GCSAML: variants seen among roughly 807,000 people sequenced by gnomAD.
GCSAML encodes the protein germinal center-associated signaling and motility-like protein.
Under a neutral mutation model 13.0 loss-of-function variants are expected in GCSAML, and 9 were observed. The observed-to-expected ratio is 0.69, with a 90% CI of 0.42 to 1.21. The LOEUF is 1.21. Among genes scored for constraint, GCSAML ranks in the 50% most tolerant of loss-of-function variants. The probability of loss-of-function intolerance (pLI) is 0.00; values close to 1 mark genes in which losing one functional copy is unlikely to be tolerated. For synonymous variants in GCSAML, 37 were observed against 52.9 expected, an observed-to-expected ratio of 0.70 and a Z score of 1.31; for missense variants, 143 against 153.4, an observed-to-expected ratio of 0.93 and a Z score of 0.36.
chr1:247,511,197 C>T (rs942423368), intron 1 of GCSAML, among the ~76,000 whole-genome samples: 7 of 152,064 alleles, frequency 4.6e-5, no homozygotes, highest in African/African-American at 9.7e-5. Flanking sequence ...TGAATCTGGG[C>T]GCTCCTATAT....
At chr1:247,565,440 AT>A (rs1023629920) in intron 3 of GCSAML, among the ~76,000 whole-genome samples, 1 of 152,136 alleles carries the variant, frequency 6.6e-6, no homozygotes, top group African/African-American at 2.4e-5. Flanking sequence ...ATCAACATGA[AT>A]CTGCATATTT....
chr1:247,512,239 C>T (rs114027841), intron 1 of GCSAML, among the ~76,000 whole-genome samples: 2,146 of 151,858 alleles, frequency 0.014, 46 homozygotes, highest in African/African-American at 0.047. Context: ...TTTGTCTTCA[C>T]GCTTTATTTC....
intron 2 of GCSAML, among the ~76,000 whole-genome samples, chr1:247,562,379 A>G (rs1031244841): frequency 6.6e-6 from 1 of 152,162 alleles, no homozygotes; most frequent in Admixed American, 6.5e-5. Context: ...GTGGAGGTCC[A>G]GGTTTCCTCC....
chr1:247,516,090 T>C (rs1443943494), intron 1 of GCSAML, among the ~76,000 whole-genome samples: 6 of 152,116 alleles, frequency 3.9e-5, no homozygotes, highest in Non-Finnish European at 7.4e-5. Flanking sequence ...TGATAGATGA[T>C]GCAATGTGAA....
At chr1:247,557,327 G>C (rs1164780523) in intron 2 of GCSAML, among the ~76,000 whole-genome samples, 1 of 151,964 alleles carries the variant, frequency 6.6e-6, no homozygotes, top group African/African-American at 2.4e-5. Context: ...TATATCTGTT[G>C]CTCAACCCTT....
At chr1:247,572,234 G>C (rs991779152) in intron 4 of GCSAML, among the ~76,000 whole-genome samples, 1 of 152,054 alleles carries the variant, frequency 6.6e-6, no homozygotes, top group Admixed American at 6.5e-5. Flanking sequence ...GTCCAGTTTT[G>C]TTCCCTTGCT....
chr1:247,533,097 G>A (rs1333004639), intron 2 of GCSAML, among the ~76,000 whole-genome samples: 6 of 152,180 alleles, frequency 3.9e-5, no homozygotes, highest in Admixed American at 1.3e-4. Flanking sequence ...TTTTGCTGTC[G>A]TTAACTATAT....
intron 1 of GCSAML, chr1:247,519,292 A>G (rs530428359): frequency 6.6e-6 from 1 of 152,360 alleles, no homozygotes; most frequent in South Asian, 2.1e-4. Flanking sequence ...TTTTACAGGC[A>G]GATAATGACT....
chr1:247,556,450 G>C lies in GCSAML; in HGVS notation c.73G>C (p.Asp25His). ...AAAGAAGCCCAAGAAAGGAAACCCA[G>C]ATGAGGAAAGAAAACGGTAAGAACA... is the stretch of plus-strand genomic sequence containing the variant. ...NQKKPKKGNPDEERKRQEMTT... is the reference protein window; with the variant it reads ...NQKKPKKGNPHEERKRQEMTT... Residue 25 changes from aspartate to histidine, a missense_variant, in exon 2 of 5, where the codon GAT becomes CAT. Asp to His is a moderately conservative substitution (Grantham distance 81). Coordinates refer to ENST00000366488, the MANE Select transcript of GCSAML (RefSeq NM_145278.5). 1 of 1,611,178 alleles carries C rather than the reference G, an allele frequency of 6.2e-7. No individual in the cohort carries two copies. Among genetic ancestry groups the C allele is most frequent in the Non-Finnish European group, 8.5e-7 (1 of 1,177,808 alleles).
At chr1:247,554,141 G>C (rs1424867233) in intron 1 of GCSAML, among the ~76,000 whole-genome samples, 1 of 152,124 alleles carries the variant, frequency 6.6e-6, no homozygotes, top group African/African-American at 2.4e-5. Flanking sequence ...ATATATGAGA[G>C]AGTATATTTG....
At chr1:247,573,337 T>C (rs376199785) in intron 4 of GCSAML, among the ~76,000 whole-genome samples, 1 of 152,172 alleles carries the variant, frequency 6.6e-6, no homozygotes, top group East Asian at 1.9e-4. Context: ...CAAAGGAATC[T>C]CCTGGTCTGT....
intron 4 of GCSAML, among the ~76,000 whole-genome samples, chr1:247,571,002 T>C (rs1668587559): frequency 6.6e-6 from 1 of 152,210 alleles, no homozygotes; most frequent in Non-Finnish European, 1.5e-5. Flanking sequence ...TGGTTTAAAG[T>C]CTGTTTTATC....
At chr1:247,508,319 G>A (rs1665898332) in intron 1 of GCSAML, among the ~76,000 whole-genome samples, 1 of 152,106 alleles carries the variant, frequency 6.6e-6, no homozygotes, top group South Asian at 2.1e-4. Flanking sequence ...TCTTCTTTTT[G>A]AGAAGTGTCT....
intron 1 of GCSAML, among the ~76,000 whole-genome samples, chr1:247,520,508 A>G (rs893237675): frequency 2.1e-5 from 3 of 142,884 alleles, no homozygotes; most frequent in Admixed American, 7.1e-5. Context: ...GTTTCTTCAG[A>G]TAAGTACCCC....
upstream of GCSAML, chr1:247,548,977 C>T: frequency 1.6e-6 from 2 of 1,277,334 alleles, no homozygotes; most frequent in Non-Finnish European, 2.2e-6. This position sits in a 1 kb window ranked among gnomAD's most constrained non-coding sequence, Gnocchi z 5.3. Context: ...CAGGCACACA[C>T]ACGCACACTC....
chr1:247,547,081 C>T (rs1305385901), upstream of GCSAML, among the ~76,000 whole-genome samples: 1 of 151,884 alleles, frequency 6.6e-6, no homozygotes, highest in Non-Finnish European at 1.5e-5. Flanking sequence ...CCAGCCTGGG[C>T]AACAGAACAA....
intron 2 of GCSAML, among the ~76,000 whole-genome samples, chr1:247,537,306 T>C (rs1667256338): frequency 6.6e-6 from 1 of 152,230 alleles, no homozygotes; most frequent in African/African-American, 2.4e-5. Flanking sequence ...AGTACTTCAT[T>C]CTCTTTTAAA....
At chr1:247,549,082 G>A (rs1284626697), upstream of GCSAML, 35 of 1,609,444 alleles carry the variant, frequency 2.2e-5, no homozygotes, top group African/African-American at 2.7e-5. Flanking sequence ...GCACGAACCC[G>A]TGGTCAGATG....
At chr1:247,546,227 C>T (rs550175452), upstream of GCSAML, among the ~76,000 whole-genome samples, 1 of 152,234 alleles carries the variant, frequency 6.6e-6, no homozygotes, top group African/African-American at 2.4e-5. Flanking sequence ...AGTAGCTATT[C>T]ACGGGCATGA....
Sources: allele counts gnomAD v4.1 joint callset (sites outside exome capture counted in the v4.1 genomes callset), GRCh38; gene constraint gnomAD v4.1.1; non-coding constraint Gnocchi (gnomAD v3.1); transcripts MANE v1.5; gene names NCBI Gene and HGNC (gene_info 2026-07-23, HGNC 2026-07-21).